The following TM9SF4 variants were observed in gnomAD, a reference collection of about 807,000 sequenced individuals.
TM9SF4 encodes the protein transmembrane 9 superfamily member 4.
Under a neutral mutation model 90.4 loss-of-function variants are expected in TM9SF4, and 26 were observed. That is an observed-to-expected ratio of 0.29 (90% CI 0.21 to 0.40). The LOEUF (loss-of-function observed/expected upper bound fraction) is 0.40, where lower values mean the gene tolerates loss of function less well. Ranked by LOEUF, TM9SF4 falls within the 10% of genes least tolerant of loss-of-function variation. TM9SF4 has a pLI of 1.00. For synonymous variants in TM9SF4, 293 were observed against 315.4 expected, an observed-to-expected ratio of 0.93 and a Z score of 0.75; for missense variants, 549 against 834.8, an observed-to-expected ratio of 0.66 and a Z score of 4.22.
rs767850105 is a variant in TM9SF4, at chr20:32,120,398, T to TTG, written c.15+10644_15+10645insGT. On this transcript the variant is annotated intron_variant, in intron 1 of 17. Coordinates refer to ENST00000398022, the MANE Select transcript of TM9SF4 (RefSeq NM_014742.4). ...TCTTTTTGATACTAAGTGGTGCGTT[T>TTG]TTTTTTTTTTTTTTTAGTTTTAGTT... Among the ~76,000 whole-genome samples the TTG allele has an allele frequency of 5.3e-5, 8 of 150,898 alleles. No individual in the cohort carries two copies. The East Asian group carries it at 9.7e-4, about 18-fold the overall frequency.
chr20:32,118,008 C>T (rs2046251950), intron 1 of TM9SF4, among the ~76,000 whole-genome samples: 1 of 152,108 alleles, frequency 6.6e-6, no homozygotes, highest in Non-Finnish European at 1.5e-5. Flanking sequence ...AAGGAATTTC[C>T]TAAGAAGCAG....
At chr20:32,161,220 G>A in intron 16 of TM9SF4, 56 bp from the exon 17 acceptor site, 2 of 1,485,064 alleles carry the variant, frequency 1.3e-6, no homozygotes, top group South Asian at 2.3e-5. Flanking sequence ...CTGTGAAATT[G>A]GTAGGAAGGG....
chr20:32,165,782 A>T lies in TM9SF4; in HGVS notation c.*338A>T. On this transcript the variant is annotated 3_prime_UTR_variant, in exon 18 of 18. Coordinates refer to ENST00000398022, the MANE Select transcript of TM9SF4 (RefSeq NM_014742.4). ...TTTCCTTCTTTGTTTTAACAAATGG[A>T]TCCAGGATGGATAAATCCACCGAGA... 11 of 226,368 alleles carry T rather than the reference A, an allele frequency of 4.9e-5. No individual in the cohort carries two copies. The highest frequency in any genetic ancestry group is 1.1e-4 in the East Asian group (1 of 9,224). 14.0% of individuals were successfully genotyped at this position (226,368 alleles called of 1,614,324 possible).
chr20:32,158,405 C>G (rs759734219), intron 14 of TM9SF4, 46 bp from the exon 15 acceptor site: 1 of 1,604,372 alleles, frequency 6.2e-7, no homozygotes, highest in Non-Finnish European at 8.5e-7. Flanking sequence ...TTGGGGCTTC[C>G]TGGTGGCCTG....
rs761897480 is a variant in TM9SF4 at position 32,142,128 on chromosome 20, T to TA, written c.528+244dup. The stretch of plus-strand genomic sequence containing the variant: ...CCATTTTTGTAAGATTAAAACAACA[T>TA]AAAAAAAAAAACCGTGGAACTTCAT... On this transcript the variant is annotated intron_variant, in intron 5 of 17. Coordinates refer to ENST00000398022, the MANE Select transcript of TM9SF4 (RefSeq NM_014742.4). 7.9e-3 allele frequency among the ~76,000 whole-genome samples: 1,137 copies of TA among 143,586 alleles called. 4 individuals are homozygous for TA. Among genetic ancestry groups the TA allele is most frequent in the Non-Finnish European group, 0.011 (747 of 65,168 alleles). 94.2% of individuals were successfully genotyped at this position (143,586 alleles called of 152,430 possible).
intron 3 of TM9SF4, among the ~76,000 whole-genome samples, chr20:32,139,506 C>G (rs1016913303): frequency 1.3e-5 from 2 of 152,198 alleles, no homozygotes; most frequent in Non-Finnish European, 2.9e-5. Flanking sequence ...AGCACCTGTT[C>G]CAGTCACCGG....
In TM9SF4 at chr20:32,122,179, G is replaced by A. The variant is rs571601834; in HGVS notation, c.16-10834G>A. Among the ~76,000 whole-genome samples, 30 of 136,156 alleles carry A rather than the reference G, an allele frequency of 2.2e-4. No individual in the cohort carries two copies. In the South Asian group the frequency reaches 5.8e-3, roughly 26 times the overall value. The allele number at this position is 136,156 out of a possible 152,430, so 89.3% of individuals were successfully genotyped here. A position where few individuals can be genotyped will look rare whatever the true frequency, so the allele number is the denominator to read the frequency against. On this transcript the variant is annotated intron_variant, in intron 1 of 17. Transcript: ENST00000398022. ...GGGGTGACCCCCCCACCTCCCTCCCGGACGGGGCGGCTGGCCGGGCCGGGG... is the reference window on the plus strand; with the variant it reads ...GGGGTGACCCCCCCACCTCCCTCCCAGACGGGGCGGCTGGCCGGGCCGGGG...
intron 2 of TM9SF4, among the ~76,000 whole-genome samples, chr20:32,133,602 A>G (rs1487141830): frequency 6.6e-6 from 1 of 152,194 alleles, no homozygotes; most frequent in Non-Finnish European, 1.5e-5. Context: ...AGGAACAGTC[A>G]TTAAAATAAC....
At chr20:32,143,994 G>T (rs1236035149) in intron 6 of TM9SF4, among the ~76,000 whole-genome samples, 5 of 151,908 alleles carry the variant, frequency 3.3e-5, no homozygotes, top group African/African-American at 1.2e-4. Flanking sequence ...CACCCAGGCT[G>T]GAGTGCAGTG....
At chr20:32,116,853 T>G (rs2046231165) in intron 1 of TM9SF4, among the ~76,000 whole-genome samples, 1 of 138,274 alleles carries the variant, frequency 7.2e-6, no homozygotes, top group Non-Finnish European at 1.5e-5. Flanking sequence ...TTCCTCCTTT[T>G]TCCTTTTTCT....
intron 1 of TM9SF4, among the ~76,000 whole-genome samples, chr20:32,131,054 A>G (rs1262303231): frequency 6.6e-6 from 1 of 152,156 alleles, no homozygotes; most frequent in East Asian, 1.9e-4. Context: ...CTGTCTTCCT[A>G]TCCTTCCTAT....
Position 32,167,016 on chromosome 20 carries a change from A to T in TM9SF4, c.*1572A>T, listed in dbSNP as rs560708304. ...GCATCCACCAAGCATCAAGTTGGAG[A>T]AAAGGGAACCCAAGCAGTAGAGAGC... On this transcript the variant is annotated 3_prime_UTR_variant, in exon 18 of 18. Coordinates refer to ENST00000398022, the MANE Select transcript of TM9SF4 (RefSeq NM_014742.4). 1 of 152,020 alleles carries T rather than the reference A, an allele frequency of 6.6e-6. No individual in the cohort carries two copies. Among genetic ancestry groups the T allele is most frequent in the Non-Finnish European group, 1.5e-5 (1 of 68,018 alleles). 9.4% of individuals were successfully genotyped at this position (152,020 alleles called of 1,614,324 possible). A position where few individuals can be genotyped will look rare whatever the true frequency, so the allele number is the denominator to read the frequency against.
At chr20:32,113,834 C>T (rs542642169) in intron 1 of TM9SF4, among the ~76,000 whole-genome samples, 1 of 152,300 alleles carries the variant, frequency 6.6e-6, no homozygotes, top group African/African-American at 2.4e-5. Context: ...CTCCCCACAG[C>T]CCTAGGCAAC....
intron 8 of TM9SF4, 76 bp downstream of exon 8, chr20:32,145,499 G>A: frequency 7.7e-7 from 1 of 1,306,948 alleles, no homozygotes; most frequent in Non-Finnish European, 1.1e-6. Flanking sequence ...CATGTATGGG[G>A]GACTTCCAGG....
At chr20:32,134,405 A>G (rs1016688263) in intron 2 of TM9SF4, among the ~76,000 whole-genome samples, 1 of 152,146 alleles carries the variant, frequency 6.6e-6, no homozygotes, top group Non-Finnish European at 1.5e-5. Context: ...TCCTCAAGCA[A>G]TTCATGAAAT....
chr20:32,145,641 A>G (rs2046753290), intron 8 of TM9SF4, among the ~76,000 whole-genome samples: 1 of 152,194 alleles, frequency 6.6e-6, no homozygotes, highest in African/African-American at 2.4e-5. Context: ...GAGGACAGAC[A>G]CACCTGAGCC....
intron 13 of TM9SF4, among the ~76,000 whole-genome samples, chr20:32,155,522 A>G (rs771933582): frequency 1.2e-4 from 19 of 152,210 alleles, no homozygotes; most frequent in Admixed American, 2.0e-4. Context: ...TTAGGTCATT[A>G]TCCCAAAGCA....
chr20:32,158,381 G>A, intron 14 of TM9SF4, 70 bp from the exon 15 acceptor site: 1 of 1,489,930 alleles, frequency 6.7e-7, no homozygotes, highest in Non-Finnish European at 9.4e-7. Context: ...CTTCATGCCA[G>A]CTTGGGAAGG....
intron 1 of TM9SF4, among the ~76,000 whole-genome samples, chr20:32,131,949 T>C (rs1245472489): frequency 3.3e-5 from 5 of 152,120 alleles, no homozygotes; most frequent in Non-Finnish European, 7.4e-5. Context: ...AATACGCAAA[T>C]AAACATATAC....
Sources: gnomAD v4.1 joint callset for allele counts (sites outside exome capture counted in the v4.1 genomes callset) on GRCh38, gnomAD v4.1.1 for gene constraint, MANE v1.5 for transcripts, NCBI Gene and HGNC (gene_info 2026-07-23, HGNC 2026-07-21) for gene names.